Variants in CCAR1 observed in about 807,000 individuals in gnomAD.
The protein encoded by CCAR1 is cell division cycle and apoptosis regulator protein 1.
Under a neutral mutation model 163.8 loss-of-function variants are expected in CCAR1, and 78 were observed. The observed-to-expected ratio is 0.48, with a 90% confidence interval of 0.40 to 0.57. CCAR1 has a LOEUF of 0.57. Ranked by LOEUF, CCAR1 falls within the 20% of genes least tolerant of loss-of-function variation. The pLI is 0.00. For synonymous variants in CCAR1, 443 were observed against 460.7 expected, an observed-to-expected ratio of 0.96 and a Z score of 0.49; for missense variants, 1,019 against 1,365.2, an observed-to-expected ratio of 0.75 and a Z score of 4.00.
chr10:68,758,736 G>T (rs1461185011), intron 15 of CCAR1, among the ~76,000 whole-genome samples: 1 of 151,178 alleles, frequency 6.6e-6, no homozygotes, highest in Non-Finnish European at 1.5e-5. Context: ...AGACTGGAGT[G>T]CAGTGGCACG....
chr10:68,746,496 A>T (rs2056257761), intron 6 of CCAR1, among the ~76,000 whole-genome samples: 1 of 151,876 alleles, frequency 6.6e-6, no homozygotes, highest in African/African-American at 2.4e-5. Flanking sequence ...TCCTTAAGTG[A>T]TCTGCCCACC....
intron 2 of CCAR1, among the ~76,000 whole-genome samples, chr10:68,734,830 A>G (rs572071927): frequency 1.4e-4 from 22 of 152,228 alleles, no homozygotes; most frequent in South Asian, 6.2e-4. Context: ...ATTTTTACCT[A>G]AAGTTTCTGC....
intron 2 of CCAR1, among the ~76,000 whole-genome samples, chr10:68,732,272 T>G (rs1416861990): frequency 6.6e-6 from 1 of 152,222 alleles, no homozygotes; most frequent in African/African-American, 2.4e-5. Flanking sequence ...TTTAAAGTAC[T>G]AATACTTTTT....
intron 24 of CCAR1, among the ~76,000 whole-genome samples, chr10:68,790,163 C>T (rs189097069): frequency 7.9e-5 from 12 of 151,902 alleles, no homozygotes; most frequent in Admixed American, 7.9e-4. Context: ...AGTCCAGCCT[C>T]GCCAACGTGG....
intron 5 of CCAR1, among the ~76,000 whole-genome samples, chr10:68,741,512 G>A (rs1040675541): frequency 9.2e-5 from 14 of 152,122 alleles, no homozygotes; most frequent in Middle Eastern, 3.2e-3. Context: ...GAGCCTATAG[G>A]CTGTCTTTGG....
intron 15 of CCAR1, 148 bp from the exon 16 acceptor site, chr10:68,760,857 CTG>C: frequency 2.1e-6 from 1 of 466,242 alleles, no homozygotes; most frequent in South Asian, 3.2e-5. Context: ...GAGTTTGGCT[CTG>C]TTTCAAAAAA....
intron 6 of CCAR1, among the ~76,000 whole-genome samples, chr10:68,743,206 T>C (rs1213002836): frequency 6.6e-6 from 1 of 151,472 alleles, no homozygotes; most frequent in Non-Finnish European, 1.5e-5. Context: ...TTTTCTTTTT[T>C]TTTTTTTTGA....
chr10:68,732,418 C>T (rs1479459766), intron 2 of CCAR1, among the ~76,000 whole-genome samples: 1 of 152,076 alleles, frequency 6.6e-6, no homozygotes. Flanking sequence ...GGCGCCATCT[C>T]AGCTCACCGC....
chr10:68,787,427 C>T (rs1202966180), intron 21 of CCAR1, among the ~76,000 whole-genome samples: 4 of 152,126 alleles, frequency 2.6e-5, no homozygotes, highest in Admixed American at 2.6e-4. Flanking sequence ...ACCAACTATG[C>T]TGTAATAAAT....
chr10:68,758,814 A>G (rs957512019), intron 15 of CCAR1, among the ~76,000 whole-genome samples: 1 of 151,658 alleles, frequency 6.6e-6, no homozygotes, highest in African/African-American at 2.4e-5. Context: ...CTGGGACTAC[A>G]GGCCTGTGCC....
At chr10:68,762,993 G>C (rs2056492223) in intron 16 of CCAR1, among the ~76,000 whole-genome samples, 1 of 152,116 alleles carries the variant, frequency 6.6e-6, no homozygotes. Flanking sequence ...TTTTATTATG[G>C]ATATGGATGT....
chr10:68,789,925 T>G lies in CCAR1; in HGVS notation c.3393+10T>G. ...CACTGTTCTCAAGAAGGTGAGAAAT[T>G]TTGTACTTTTAACATTTTCTTAGTT... On this transcript the variant is annotated intron_variant, in intron 24 of 24. Coordinates refer to ENST00000265872, the MANE Select transcript of CCAR1 (RefSeq NM_018237.4). The G allele has an allele frequency of 1.3e-6, 2 of 1,508,606 alleles. No homozygotes were observed. The highest frequency in any genetic ancestry group is 1.8e-6 in the Non-Finnish European group (2 of 1,120,328). 93.5% of individuals were successfully genotyped at this position (1,508,606 alleles called of 1,614,324 possible).
intron 17 of CCAR1, among the ~76,000 whole-genome samples, chr10:68,769,284 CT>C (rs912696204): frequency 1.5e-4 from 23 of 152,202 alleles, no homozygotes; most frequent in African/African-American, 4.3e-4. Flanking sequence ...CGTTTTAGCC[CT>C]TTTTAAGAGT....
chr10:68,753,953 T>C lies in CCAR1; in HGVS notation c.1220T>C (p.Leu407Ser), dbSNP rs1265736246. ...TTTACATGGGTGGATGCTTTCCCTTTGTCAAGACCATTTCAGCTGGGAAAT... is the reference window on the plus strand; with the variant it reads ...TTTACATGGGTGGATGCTTTCCCTTCGTCAAGACCATTTCAGCTGGGAAAT... ...AQFTWVDAFP[L>S]SRPFQLGNYC... The change falls in exon 11 of 25, where the codon TTG becomes TCG. Residue 407 changes from leucine (L) to serine (S), a missense_variant. Physicochemically the swap from Leu to Ser is moderately radical, Grantham distance 145. This residue lies in a region of CCAR1 where 644 missense variants were observed against 904.4 expected (regional missense o/e 0.71). Transcript: ENST00000265872. The C allele has an allele frequency of 5.6e-6, 9 of 1,613,928 alleles. No individual in the cohort carries two copies. The highest frequency in any genetic ancestry group is 7.6e-6 in the Non-Finnish European group (9 of 1,179,930).
At chr10:68,778,882 C>T (rs1047964940) in intron 19 of CCAR1, among the ~76,000 whole-genome samples, 5 of 152,218 alleles carry the variant, frequency 3.3e-5, no homozygotes, top group East Asian at 1.9e-4. Context: ...GACGGAGTCT[C>T]GCTCTGTCAC....
chr10:68,748,929 C>T (rs923839457), intron 8 of CCAR1, among the ~76,000 whole-genome samples: 2 of 151,986 alleles, frequency 1.3e-5, no homozygotes, highest in Non-Finnish European at 2.9e-5. Context: ...CTGCCTATTT[C>T]GGCCTCCCAA....
intron 4 of CCAR1, among the ~76,000 whole-genome samples, chr10:68,739,014 C>G (rs1315283247): frequency 6.6e-6 from 1 of 152,210 alleles, no homozygotes; most frequent in African/African-American, 2.4e-5. Context: ...AATATGGAAA[C>G]TCCTGATTTA....
intron 5 of CCAR1, among the ~76,000 whole-genome samples, chr10:68,741,538 T>C (rs2056184503): frequency 6.6e-6 from 1 of 152,248 alleles, no homozygotes; most frequent in Non-Finnish European, 1.5e-5. Flanking sequence ...GGGTCATAGT[T>C]TGCTGATCAC....
chr10:68,748,332 G>A (rs1004175760), intron 8 of CCAR1, among the ~76,000 whole-genome samples: 2 of 151,838 alleles, frequency 1.3e-5, no homozygotes, highest in African/African-American at 2.4e-5. Context: ...CCCAGGAGGC[G>A]GAGGTTGCAG....
Sources: allele counts gnomAD v4.1 joint callset (sites outside exome capture counted in the v4.1 genomes callset), GRCh38; gene constraint gnomAD v4.1.1; regional missense constraint gnomAD v4.1.1; transcripts MANE v1.5; gene names NCBI Gene and HGNC (gene_info 2026-07-23, HGNC 2026-07-21).